CCDC28A: variants seen among roughly 807,000 people sequenced by gnomAD.
The protein encoded by CCDC28A is coiled-coil domain containing 28A.
Under a neutral mutation model 22.1 loss-of-function variants are expected in CCDC28A, and 24 were observed. The observed-to-expected ratio is 1.09, with a 90% CI of 0.79 to 1.53. CCDC28A has a LOEUF of 1.53. Among genes scored for constraint, CCDC28A ranks in the 40% most tolerant of loss-of-function variants. The pLI is 0.00. For synonymous variants in CCDC28A, 83 were observed against 74.7 expected (o/e 1.11, Z -0.57); for missense variants, 170 against 210.7 (o/e 0.81, Z 1.20).
rs150840460 is a variant in CCDC28A at position 138,793,027 on chromosome 6, G to C, written c.*224G>C. 1 of 517,102 alleles carries C rather than the reference G, an allele frequency of 1.9e-6. No homozygotes were observed. Among genetic ancestry groups the C allele is most frequent in the Non-Finnish European group, 3.5e-6 (1 of 285,848 alleles). The allele number at this position is 517,102 out of a possible 1,614,324, so 32.0% of individuals were successfully genotyped here. ...TGAAGGCTTCATCAGGAAATGTGAC[G>C]CAGAGATTGTGCTGCTGTGCTTCAT... On this transcript the variant is annotated 3_prime_UTR_variant, in exon 6 of 6. Transcript: ENST00000617445.
chr6:138,785,420 T>C (rs562913988), intron 4 of CCDC28A, 39 bp downstream of exon 4: 1 of 1,482,188 alleles, frequency 6.7e-7, no homozygotes, highest in Non-Finnish European at 9.2e-7. Context: ...TAAAAAAAAA[T>C]TTTTGTTGCG....
intron 4 of CCDC28A, 92 bp from the exon 5 acceptor site, chr6:138,788,274 A>G: frequency 6.0e-6 from 3 of 500,276 alleles, no homozygotes; most frequent in Non-Finnish European, 1.0e-5. Context: ...GAAAGCTTAA[A>G]TGAAAAATAA....
intron 5 of CCDC28A, 71 bp downstream of exon 5, chr6:138,788,459 T>C: frequency 1.4e-6 from 1 of 731,214 alleles, no homozygotes; most frequent in Admixed American, 2.9e-5. Flanking sequence ...CTCGATCAAG[T>C]TTTAGAAAGA....
At chr6:138,778,090 CCTA>C (rs1203844460) in intron 2 of CCDC28A, among the ~76,000 whole-genome samples, 1 of 152,054 alleles carries the variant, frequency 6.6e-6, no homozygotes, top group African/African-American at 2.4e-5. Context: ...CTGTTATTGA[CCTA>C]CTGTCAACAA....
chr6:138,780,020 C>CT, intron 3 of CCDC28A, 35 bp downstream of exon 3: 2 of 1,507,708 alleles, frequency 1.3e-6, no homozygotes, highest in African/African-American at 1.4e-5. Flanking sequence ...ATTTTTTTCT[C>CT]TAAGATGTTT....
Position 138,785,321 on chromosome 6 carries a change from A to G in CCDC28A, c.417A>G (p.Glu139=). 1 of 1,613,422 alleles carries G rather than the reference A, an allele frequency of 6.2e-7. No individual in the cohort carries two copies. The highest frequency in any genetic ancestry group is 8.5e-7 in the Non-Finnish European group (1 of 1,179,394). The change falls in exon 4 of 6, where the codon GAA becomes GAG. Residue 139 remains glutamate (E), a synonymous_variant. Transcript: ENST00000617445. ...LNLELYGELE[E]LPEDKRKTAS... ...TGGAGCTCTATGGGGAGTTAGAGGA[A>G]CTTCCTGAGGATAAGAGAAAAACAG...
rs545413569 is a variant in CCDC28A at position 138,792,965 on chromosome 6, C to T, written c.*162C>T. On this transcript the variant is annotated 3_prime_UTR_variant, in exon 6 of 6. Transcript: ENST00000617445. Reference sequence around the variant, plus strand: ...CTTACTGCTTTTAGTAAATGTGACTCGCTGTAATTCACCATAACTGGAGGC... The same window carrying T: ...CTTACTGCTTTTAGTAAATGTGACTTGCTGTAATTCACCATAACTGGAGGC... 10 of 604,930 alleles carry T rather than the reference C, an allele frequency of 1.7e-5. No individual in the cohort carries two copies. The highest frequency in any genetic ancestry group is 4.3e-4 in the Middle Eastern group (1 of 2,302). 37.5% of individuals were successfully genotyped at this position (604,930 alleles called of 1,614,324 possible). A position where few individuals can be genotyped will look rare whatever the true frequency, so the allele number is the denominator to read the frequency against.
In CCDC28A at chr6:138,785,336, G is replaced by A. The variant is rs143504509; in HGVS notation, c.432G>A (p.Lys144=). 16 of 1,613,624 alleles carry A rather than the reference G, an allele frequency of 9.9e-6. No homozygotes were observed. In the African/African-American group the frequency reaches 2.1e-4, roughly 22 times the overall value. The change falls in exon 4 of 6, where the codon AAG becomes AAA. Residue 144 remains lysine (K), a synonymous_variant. Coordinates refer to ENST00000617445, the MANE Select transcript of CCDC28A (RefSeq NM_015439.3). ...YGELEELPED[K]RKTASDSNLD... The stretch of plus-strand genomic sequence containing the variant: ...AGTTAGAGGAACTTCCTGAGGATAA[G>A]AGAAAAACAGCCAGTGACTCCAATC...
At position 138,783,435 on chromosome 6, in the gene CCDC28A, A is replaced by AT. The variant is rs564949933; in HGVS notation, c.323-1772dup. On this transcript the variant is annotated intron_variant, in intron 3 of 5. Coordinates refer to ENST00000617445, the MANE Select transcript of CCDC28A (RefSeq NM_015439.3). ...AGGCACACACCACCACACCCAGCTA[A>AT]TTTTTTTTTTTTTTTTTTTTGAGAT... is the stretch of plus-strand genomic sequence containing the variant. Among the ~76,000 whole-genome samples, 599 of 119,060 alleles carry AT rather than the reference A, an allele frequency of 5.0e-3. 8 individuals carry two copies. The highest frequency in any genetic ancestry group is 0.016 in the African/African-American group (486 of 30,094). 78.1% of individuals were successfully genotyped at this position (119,060 alleles called of 152,430 possible). A position where few individuals can be genotyped will look rare whatever the true frequency, so the allele number is the denominator to read the frequency against.
chr6:138,787,957 C>CTT (rs397886393), intron 4 of CCDC28A, among the ~76,000 whole-genome samples: 121 of 85,286 alleles, frequency 1.4e-3, no homozygotes, highest in Non-Finnish European at 1.8e-3. Context: ...TTACAGAAAG[C>CTT]TTTTTTTTTT....
chr6:138,783,619 T>A (rs1368326322), intron 3 of CCDC28A, among the ~76,000 whole-genome samples: 1 of 151,430 alleles, frequency 6.6e-6, no homozygotes, highest in Non-Finnish European at 1.5e-5. Flanking sequence ...TTGTATTTTT[T>A]AGTGGAGACG....
chr6:138,779,951 G>C lies in CCDC28A; in HGVS notation c.288G>C (p.Leu96Phe). The change falls in exon 3 of 6, where the codon TTG (leucine) becomes TTC (phenylalanine). Residue 96 changes from leucine (L) to phenylalanine (F), a missense_variant. Transcript: ENST00000617445. The part of the protein sequence containing the change: ...QEMERGLLSL[L>F]NDFHSGKLQA... ...TGGAGAGAGGGCTGCTCAGTCTTTT[G>C]AATGATTTCCACTCTGGAAAACTTC... is the stretch of plus-strand genomic sequence containing the variant. 1 of 1,612,638 alleles carries C rather than the reference G, an allele frequency of 6.2e-7. No individual in the cohort carries two copies. Among genetic ancestry groups the C allele is most frequent in the South Asian group, 1.1e-5 (1 of 90,758 alleles).
intron 3 of CCDC28A, among the ~76,000 whole-genome samples, chr6:138,781,714 T>A (rs1775024880): frequency 6.6e-6 from 1 of 152,224 alleles, no homozygotes; most frequent in African/African-American, 2.4e-5. Flanking sequence ...GTCAGTTTTC[T>A]ACTTGGTTAT....
intron 2 of CCDC28A, among the ~76,000 whole-genome samples, chr6:138,778,204 G>T (rs1268151805): frequency 1.3e-5 from 2 of 151,990 alleles, no homozygotes; most frequent in Non-Finnish European, 2.9e-5. Flanking sequence ...TCTTATTGTG[G>T]TGAGGACAGC....
chr6:138,788,568 C>CTTTTCTTTT, intron 5 of CCDC28A, among the ~76,000 whole-genome samples, 180 bp downstream of exon 5: 1 of 92,986 alleles, frequency 1.1e-5, no homozygotes, highest in East Asian at 2.4e-4. Flanking sequence ...TTTTTCTTTT[C>CTTTTCTTTT]TTTTTTTTTT....
At position 138,779,976 on chromosome 6, in the gene CCDC28A, C is replaced by T; in HGVS notation, c.313C>T (p.Gln105Ter). The T allele has an allele frequency of 6.2e-7, 1 of 1,608,254 alleles. No homozygotes were observed. The highest frequency in any genetic ancestry group is 8.5e-7 in the Non-Finnish European group (1 of 1,177,786). ...GAATGATTTCCACTCTGGAAAACTT[C>T]AAGCATTTGGTAAGCAATAGATGTT... ...LLNDFHSGKL[Q>*]AFGNECSIEQ... Residue 105 changes from glutamine to a stop codon, truncating the protein, a stop_gained, in exon 3 of 6, where the codon CAA (glutamine) becomes TAA (stop). Transcript: ENST00000617445. LOFTEE classifies it high-confidence loss of function.
intron 3 of CCDC28A, among the ~76,000 whole-genome samples, chr6:138,780,922 A>T (rs1049272508): frequency 1.3e-5 from 2 of 152,194 alleles, no homozygotes; most frequent in African/African-American, 2.4e-5. Context: ...TAATCTTTTT[A>T]AAAAATTTTA....
chr6:138,784,374 A>ATTTTTT, intron 3 of CCDC28A, among the ~76,000 whole-genome samples: 1 of 145,056 alleles, frequency 6.9e-6, no homozygotes, highest in Non-Finnish European at 1.5e-5. Flanking sequence ...TTTTTGAGAC[A>ATTTTTT]AGGTCTCACT....
At position 138,788,568 on chromosome 6, in the gene CCDC28A, C is replaced by CTTTTTTTTTTTTTTTTTTTTTTTTTTT. The variant is rs3070099; in HGVS notation, c.500+203_500+204insTTTTTTTTTTTTTTTTTTTTTTTTTTT. ...TTCTTTTCTTTCTCTTTTTTCTTTTCTTTTTTTTTTTTTTTTTTTTTTTCA... is the reference window on the plus strand; with the variant it reads ...TTCTTTTCTTTCTCTTTTTTCTTTTCTTTTTTTTTTTTTTTTTTTTTTTTTTTTTTTTTTTTTTTTTTTTTTTTTTCA... On this transcript the variant is annotated intron_variant, in intron 5 of 5. Transcript: ENST00000617445. Among the ~76,000 whole-genome samples the CTTTTTTTTTTTTTTTTTTTTTTTTTTT allele has an allele frequency of 1.5e-4, 14 of 92,982 alleles. 1 individual carries two copies. The highest frequency in any genetic ancestry group is 2.0e-4 in the African/African-American group (4 of 19,586). 61.0% of individuals were successfully genotyped at this position (92,982 alleles called of 152,430 possible). A position where few individuals can be genotyped will look rare whatever the true frequency, so the allele number is the denominator to read the frequency against.
Sources: allele counts gnomAD v4.1 joint callset (sites outside exome capture counted in the v4.1 genomes callset), GRCh38; gene constraint gnomAD v4.1.1; transcripts MANE v1.5; gene names NCBI Gene and HGNC (gene_info 2026-07-23, HGNC 2026-07-21).